The following PTGER3 variants were observed in gnomAD, a reference collection of about 807,000 sequenced individuals.
PTGER3 encodes the protein prostaglandin E2 receptor EP3 subtype.
In PTGER3, 22 loss-of-function variants were observed where a neutral mutation model predicts 34.7. That is an observed-to-expected ratio of 0.63 (90% CI 0.45 to 0.91). PTGER3 has a LOEUF of 0.91. Among genes scored for constraint, PTGER3 ranks in the 40% least tolerant of loss-of-function variants. The probability of loss-of-function intolerance (pLI) is 0.00; values close to 1 mark genes in which losing one functional copy is unlikely to be tolerated. For missense variants in PTGER3, 468 were observed against 519.4 expected, an observed-to-expected ratio of 0.90 and a Z score of 0.96; for synonymous variants, 241 against 230.1, an observed-to-expected ratio of 1.05 and a Z score of -0.43.
At chr1:70,873,563 A>G (rs2100553731) in intron 4 of PTGER3, among the ~76,000 whole-genome samples, 1 of 148,734 alleles carries the variant, frequency 6.7e-6, no homozygotes, top group Admixed American at 6.6e-5. Context: ...TGTTTTGTTT[A>G]TTTTATTTTA....
At chr1:71,010,617 A>G in intron 2 of PTGER3, 2 of 984,938 alleles carry the variant, frequency 2.0e-6, no homozygotes, top group Non-Finnish European at 2.4e-6. Flanking sequence ...TTTGAAAAAA[A>G]GTAGGTAGTT....
At chr1:70,893,011 G>A (rs940792808) in intron 4 of PTGER3, among the ~76,000 whole-genome samples, 1 of 148,482 alleles carries the variant, frequency 6.7e-6, no homozygotes, top group Non-Finnish European at 1.5e-5. Context: ...TTGGAAAGCA[G>A]AAACAATGTC....
At chr1:71,009,553 C>T in intron 2 of PTGER3, 3 of 984,936 alleles carry the variant, frequency 3.0e-6, no homozygotes, top group Non-Finnish European at 3.6e-6. Flanking sequence ...TGTGATCATT[C>T]TTCTCTGTGA....
intron 4 of PTGER3, among the ~76,000 whole-genome samples, chr1:70,924,685 G>A (rs1299139431): frequency 6.6e-6 from 1 of 152,064 alleles, no homozygotes. Context: ...TACTCTTTTT[G>A]TAGGAATTCA....
At chr1:70,990,574 G>A (rs1655381446) in intron 2 of PTGER3, among the ~76,000 whole-genome samples, 1 of 151,518 alleles carries the variant, frequency 6.6e-6, no homozygotes, top group Non-Finnish European at 1.5e-5. Flanking sequence ...TGTTTCCCAG[G>A]CTGGAGGGCA....
intron 4 of PTGER3, among the ~76,000 whole-genome samples, chr1:70,897,841 G>C (rs1035367496): frequency 3.3e-5 from 5 of 152,072 alleles, no homozygotes; most frequent in Admixed American, 1.3e-4. Context: ...ACTTCAACAT[G>C]TTTTTGTTTG....
chr1:70,975,743 A>C (rs568892401), intron 2 of PTGER3, among the ~76,000 whole-genome samples: 2 of 152,216 alleles, frequency 1.3e-5, no homozygotes, highest in Non-Finnish European at 2.9e-5. Context: ...AGCAAACAGA[A>C]AAAGTTTAGT....
downstream of PTGER3, among the ~76,000 whole-genome samples, chr1:70,969,006 A>G (rs1455444658): frequency 1.3e-5 from 2 of 152,102 alleles, no homozygotes; most frequent in Admixed American, 1.3e-4. Flanking sequence ...TAGGAGTTCA[A>G]GACCAGCCTG....
At chr1:70,876,840 C>A (rs969854439) in intron 4 of PTGER3, among the ~76,000 whole-genome samples, 1 of 152,088 alleles carries the variant, frequency 6.6e-6, no homozygotes, top group Non-Finnish European at 1.5e-5. Flanking sequence ...CAGCACCCTG[C>A]CCTTTTGATT....
exon 5 of PTGER3, chr1:70,852,733 T>A (rs1645708422): frequency 7.3e-7 from 1 of 1,369,464 alleles, no homozygotes; most frequent in African/African-American, 1.4e-5. Context: ...GGGGAAGAAG[T>A]AAAAGAGAAT....
chr1:70,911,021 A>T (rs1647049172), intron 4 of PTGER3, among the ~76,000 whole-genome samples: 1 of 151,910 alleles, frequency 6.6e-6, no homozygotes, highest in Non-Finnish European at 1.5e-5. Flanking sequence ...CAGAGGTTGC[A>T]GTAAGCTGAG....
intron 4 of PTGER3, among the ~76,000 whole-genome samples, chr1:70,928,597 C>A (rs1648370821): frequency 6.6e-6 from 1 of 152,096 alleles, no homozygotes; most frequent in African/African-American, 2.4e-5. Context: ...AGTGCCACTA[C>A]ACTTTAGCCT....
At chr1:70,927,841 T>C (rs544816147) in intron 4 of PTGER3, among the ~76,000 whole-genome samples, 1 of 152,124 alleles carries the variant, frequency 6.6e-6, no homozygotes, top group East Asian at 1.9e-4. Context: ...AAATAGAAAT[T>C]GTAACTGACA....
At chr1:70,861,040 C>G (rs1380449652) in intron 4 of PTGER3, among the ~76,000 whole-genome samples, 1 of 152,102 alleles carries the variant, frequency 6.6e-6, no homozygotes, top group African/African-American at 2.4e-5. Flanking sequence ...TTAATTCAGC[C>G]TAAGGGATTC....
chr1:70,989,420 A>C (rs1017224029), intron 2 of PTGER3, among the ~76,000 whole-genome samples: 3 of 152,164 alleles, frequency 2.0e-5, no homozygotes, highest in Admixed American at 1.3e-4. Context: ...ATTACCTTTT[A>C]AAAGGGACTC....
downstream of PTGER3, among the ~76,000 whole-genome samples, chr1:70,968,180 G>A (rs909967536): frequency 1.2e-4 from 18 of 152,182 alleles, no homozygotes; most frequent in African/African-American, 4.3e-4. Flanking sequence ...AATGGGGGCT[G>A]GAGTAGGCAG....
chr1:70,904,400 T>C (rs1011515340), intron 4 of PTGER3, among the ~76,000 whole-genome samples: 2 of 152,020 alleles, frequency 1.3e-5, no homozygotes, highest in African/African-American at 4.8e-5. Context: ...GTTGGAACAG[T>C]TTGGAGGGCT....
At chr1:70,874,232 T>C (rs1227870168) in intron 4 of PTGER3, among the ~76,000 whole-genome samples, 1 of 152,204 alleles carries the variant, frequency 6.6e-6, no homozygotes, top group Non-Finnish European at 1.5e-5. Flanking sequence ...AGTGCAGAAC[T>C]GCATGTACTC....
Position 70,996,951 on chromosome 1 carries a change from T to C in PTGER3, c.1077+15354A>G, listed in dbSNP as rs191116425. The stretch of plus-strand genomic sequence containing the variant: ...TGCTGGGATTGCAGGCATGAGCCAC[T>C]GCGCCTGGCCTGTTTCTATGTTTTG... On this transcript the variant is annotated intron_variant, in intron 2 of 3. Transcript: ENST00000306666. 2.9e-3 allele frequency among the ~76,000 whole-genome samples: 446 copies of C among 152,296 alleles called. 3 individuals carry two copies. The highest frequency in any genetic ancestry group is 1.0e-2 in the African/African-American group (415 of 41,558).
Sources: gnomAD v4.1 joint callset for allele counts (sites outside exome capture counted in the v4.1 genomes callset) on GRCh38, gnomAD v4.1.1 for gene constraint, MANE v1.5 for transcripts, NCBI Gene and HGNC (gene_info 2026-07-23, HGNC 2026-07-21) for gene names.